NRDE2: variants seen among roughly 807,000 people sequenced by gnomAD.
The protein encoded by NRDE2 is nuclear exosome regulator NRDE2.
NRDE2 carries 76 observed loss-of-function variants against 124.2 expected under a neutral mutation model. The observed-to-expected ratio is 0.61, with a 90% CI of 0.51 to 0.74. The LOEUF is 0.74. Among genes scored for constraint, NRDE2 ranks in the 30% least tolerant of loss-of-function variants. The pLI is 0.00. For missense variants in NRDE2, 1,314 were observed against 1,417.3 expected (o/e 0.93, Z 1.17); for synonymous variants, 489 against 528.1 (o/e 0.93, Z 1.01).
intron 1 of NRDE2, among the ~76,000 whole-genome samples, chr14:90,328,037 G>C (rs1445377531): frequency 6.6e-6 from 1 of 152,096 alleles, no homozygotes; most frequent in Non-Finnish European, 1.5e-5. Context: ...CAGCTACTCG[G>C]GAGGCTGAGG....
intron 5 of NRDE2, among the ~76,000 whole-genome samples, chr14:90,303,380 C>T (rs1183699934): frequency 6.6e-6 from 1 of 152,158 alleles, no homozygotes; most frequent in Non-Finnish European, 1.5e-5. Context: ...GCATACAATG[C>T]CTTGAAAGTC....
At chr14:90,290,676 T>A in intron 9 of NRDE2, 69 bp from the exon 10 acceptor site, 1 of 1,463,610 alleles carries the variant, frequency 6.8e-7, no homozygotes, top group Non-Finnish European at 9.2e-7. Context: ...ACAATTCTCT[T>A]TATATGCATG....
At chr14:90,326,500 CAAA>C (rs10684490) in intron 1 of NRDE2, among the ~76,000 whole-genome samples, 1 of 78,818 alleles carries the variant, frequency 1.3e-5, no homozygotes. Flanking sequence ...GACTCTGTCT[CAAA>C]AAAAAAAAAA....
rs754455448 is a variant in NRDE2, at chr14:90,288,927, T to C, written c.2448A>G (p.Lys816=). The part of the protein sequence containing the change: ...ALGMAGSREL[K]DSDLCELSLL... Reference sequence around the variant, plus strand: ...GACTGAGCTCACAGAGGTCAGAGTCTTTCAGTTCTCTGCTTCCTGCCATGC... The same window carrying C: ...GACTGAGCTCACAGAGGTCAGAGTCCTTCAGTTCTCTGCTTCCTGCCATGC... The change falls in exon 11 of 14, where the codon AAA becomes AAG. Residue 816 remains lysine, a synonymous_variant. Transcript: ENST00000354366. The C allele has an allele frequency of 6.8e-6, 11 of 1,612,944 alleles. No individual in the cohort carries two copies. The highest frequency in any genetic ancestry group is 8.5e-6 in the Non-Finnish European group (10 of 1,178,972).
At chr14:90,301,168 T>C in intron 7 of NRDE2, 71 bp downstream of exon 7, 2 of 1,509,842 alleles carry the variant, frequency 1.3e-6, no homozygotes, top group Non-Finnish European at 1.8e-6. Flanking sequence ...CCTCTCATTA[T>C]CCACACCTTC....
chr14:90,287,133 T>G (rs898846166), intron 11 of NRDE2, among the ~76,000 whole-genome samples: 7 of 151,320 alleles, frequency 4.6e-5, no homozygotes, highest in African/African-American at 1.7e-4. Flanking sequence ...ACCTTTTGAT[T>G]TATAATAGAG....
intron 8 of NRDE2, among the ~76,000 whole-genome samples, chr14:90,297,388 T>A (rs1884212564): frequency 6.6e-6 from 1 of 152,152 alleles, no homozygotes; most frequent in Admixed American, 6.5e-5. Flanking sequence ...ATTAACATCA[T>A]CTGTTCCTTT....
chr14:90,269,959 CTTTCA>C lies in NRDE2; in HGVS notation c.*8372_*8376del, dbSNP rs1891619524. 2.1e-6 allele frequency: 1 copy of C among 486,826 alleles called. No homozygotes were observed. The highest frequency in any genetic ancestry group is 3.6e-6 in the Non-Finnish European group (1 of 278,570). The allele number at this position is 486,826 out of a possible 1,614,324, so 30.2% of individuals were successfully genotyped here. A position where few individuals can be genotyped will look rare whatever the true frequency, so the allele number is the denominator to read the frequency against. On this transcript the variant is annotated 3_prime_UTR_variant, in exon 14 of 14. Coordinates refer to ENST00000354366, the MANE Select transcript of NRDE2 (RefSeq NM_017970.4). ...GCCCAGTTTCACTCAGGAATTGCTC[CTTTCA>C]TTTATTTCTGAAGGTACCAAAGCAG...
chr14:90,330,214 AAAAT>A (rs1555362759), intron 1 of NRDE2, among the ~76,000 whole-genome samples: 5 of 139,240 alleles, frequency 3.6e-5, no homozygotes, highest in African/African-American at 5.5e-5. Context: ...CTCAAAAAAA[AAAAT>A]AAATAAATAA....
chr14:90,287,425 C>T (rs1465724778), intron 11 of NRDE2, among the ~76,000 whole-genome samples: 1 of 151,966 alleles, frequency 6.6e-6, no homozygotes, highest in Non-Finnish European at 1.5e-5. Flanking sequence ...GGAGACCAGC[C>T]TGGGCACTAT....
In NRDE2 at chr14:90,268,155, A is replaced by T; in HGVS notation, c.*10181T>A. ...TTGGTGTCCATTTAAGGTGGTAATGATACGAGTTTTTAAGTTAAAATGGCA... is the reference window on the plus strand; with the variant it reads ...TTGGTGTCCATTTAAGGTGGTAATGTTACGAGTTTTTAAGTTAAAATGGCA... On this transcript the variant is annotated 3_prime_UTR_variant, in exon 14 of 14. Transcript: ENST00000354366. 2 of 1,307,538 alleles carry T rather than the reference A, an allele frequency of 1.5e-6. No individual in the cohort carries two copies. The highest frequency in any genetic ancestry group is 3.0e-5 in the African/African-American group (2 of 66,762). The allele number at this position is 1,307,538 out of a possible 1,614,324, so 81.0% of individuals were successfully genotyped here. A position where few individuals can be genotyped will look rare whatever the true frequency, so the allele number is the denominator to read the frequency against.
Position 90,271,821 on chromosome 14 carries a change from T to A in NRDE2, c.*6515A>T, listed in dbSNP as rs11624890. 48,895 of 152,742 alleles carry A rather than the reference T, an allele frequency of 0.32. 9,109 individuals carry two copies. Among genetic ancestry groups the A allele is most frequent in the East Asian group, 0.52 (2,665 of 5,164 alleles). The allele number at this position is 152,742 out of a possible 1,614,324, so 9.5% of individuals were successfully genotyped here. The stretch of plus-strand genomic sequence containing the variant: ...AATAGGATGCTTAAAACATTTTTTT[T>A]AAAAATCAAATCTTTCCCAAATAAG... On this transcript the variant is annotated 3_prime_UTR_variant, in exon 14 of 14. Transcript: ENST00000354366.
In NRDE2 at chr14:90,269,872, A is replaced by G; in HGVS notation, c.*8464T>C. On this transcript the variant is annotated 3_prime_UTR_variant, in exon 14 of 14. Transcript: ENST00000354366. ...GGATTTGTCCTTTTTACATTCAGGT[A>G]GCATCAGAAGAAACAGTGATTTGTT... 2.7e-6 allele frequency: 1 copy of G among 374,522 alleles called. No individual in the cohort carries two copies. The highest frequency in any genetic ancestry group is 4.8e-6 in the Non-Finnish European group (1 of 209,658). The allele number at this position is 374,522 out of a possible 1,614,324, so 23.2% of individuals were successfully genotyped here.
chr14:90,326,542 C>T (rs1156810505), intron 1 of NRDE2, among the ~76,000 whole-genome samples: 2 of 149,410 alleles, frequency 1.3e-5, no homozygotes, highest in South Asian at 4.3e-4. Context: ...TGTAGTTGCT[C>T]TTATAGAAGG....
intron 1 of NRDE2, among the ~76,000 whole-genome samples, chr14:90,330,980 G>A (rs1378261469): frequency 6.6e-6 from 1 of 151,560 alleles, no homozygotes; most frequent in Non-Finnish European, 1.5e-5. Flanking sequence ...AGGGCAGGAT[G>A]CAGCGGCACG....
At position 90,273,579 on chromosome 14, in the gene NRDE2, T is replaced by TA. The variant is rs1394056599; in HGVS notation, c.*4756dup. The TA allele has an allele frequency of 2.0e-5, 3 of 152,098 alleles. No individual in the cohort carries two copies. Among genetic ancestry groups the TA allele is most frequent in the South Asian group, 2.1e-4 (1 of 4,820 alleles). The allele number at this position is 152,098 out of a possible 1,614,324, so 9.4% of individuals were successfully genotyped here. A position where few individuals can be genotyped will look rare whatever the true frequency, so the allele number is the denominator to read the frequency against. On this transcript the variant is annotated 3_prime_UTR_variant, in exon 14 of 14. Coordinates refer to ENST00000354366, the MANE Select transcript of NRDE2 (RefSeq NM_017970.4). The stretch of plus-strand genomic sequence containing the variant: ...TCTCAAAAATAAATAAATAAATAAA[T>TA]AAAAACCACAATTTTATCTCAGTTC...
intron 2 of NRDE2, 189 bp downstream of exon 2, chr14:90,317,816 T>C (rs750833537): frequency 3.9e-6 from 2 of 513,526 alleles, no homozygotes; most frequent in Non-Finnish European, 6.8e-6. Flanking sequence ...GTCATGTACT[T>C]GCCACTGCAA....
chr14:90,324,322 G>A (rs1446039481), intron 1 of NRDE2, among the ~76,000 whole-genome samples: 1 of 152,138 alleles, frequency 6.6e-6, no homozygotes, highest in Non-Finnish European at 1.5e-5. Flanking sequence ...TGTTTTGAAT[G>A]AGAGTGACAA....
Position 90,309,538 on chromosome 14 carries a change from G to A in NRDE2, c.557+2856C>T, listed in dbSNP as rs138139461. Among the ~76,000 whole-genome samples, 699 of 148,810 alleles carry A rather than the reference G, an allele frequency of 4.7e-3. 2 individuals carry two copies. Among genetic ancestry groups the A allele is most frequent in the Non-Finnish European group, 8.1e-3 (547 of 67,456 alleles). Reference sequence around the variant, plus strand: ...TGTCTCCATAACCCAATCAAATCACGCCTCAATGCACTTTCCTATCTCCCT... The same window carrying A: ...TGTCTCCATAACCCAATCAAATCACACCTCAATGCACTTTCCTATCTCCCT... On this transcript the variant is annotated intron_variant, in intron 4 of 13. Coordinates refer to ENST00000354366, the MANE Select transcript of NRDE2 (RefSeq NM_017970.4).
Sources: allele counts gnomAD v4.1 joint callset (sites outside exome capture counted in the v4.1 genomes callset), GRCh38; gene constraint gnomAD v4.1.1; transcripts MANE v1.5; gene names NCBI Gene and HGNC (gene_info 2026-07-23, HGNC 2026-07-21).